PMPCA: variants seen among roughly 807,000 people sequenced by gnomAD.
PMPCA encodes mitochondrial-processing peptidase subunit alpha.
A neutral mutation model predicts 59.3 loss-of-function variants in PMPCA; 47 were observed. The observed-to-expected ratio is 0.79, with a 90% confidence interval of 0.63 to 1.01. PMPCA has a LOEUF of 1.01. PMPCA is among the 50% of genes least tolerant of loss of function. The pLI is 0.00. For synonymous variants in PMPCA, 338 were observed against 290.3 expected (o/e 1.16, Z -1.67); for missense variants, 726 against 704.5 (o/e 1.03, Z -0.34).
At chr9:136,419,460 CCTT>C (rs1835385182) in intron 11 of PMPCA, 2 of 417,026 alleles carry the variant, frequency 4.8e-6, no homozygotes, top group Admixed American at 3.7e-5. Flanking sequence ...GTTTTTGTGT[CCTT>C]CTCAGCCGCC....
At chr9:136,416,924 C>G (rs756043142) in intron 6 of PMPCA, 27 bp from the exon 7 acceptor site, 25 of 1,586,906 alleles carry the variant, frequency 1.6e-5, no homozygotes, top group Non-Finnish European at 1.7e-5. Context: ...TCTTCAGTCA[C>G]CTGTGTCTGT....
At chr9:136,422,418 C>G in intron 12 of PMPCA, 1 of 1,087,146 alleles carries the variant, frequency 9.2e-7, no homozygotes, top group Non-Finnish European at 1.1e-6. Context: ...CTTAGGAGGT[C>G]TGAATTTCCT....
At chr9:136,414,783 T>A in intron 5 of PMPCA, 136 bp downstream of exon 5, 1 of 627,388 alleles carries the variant, frequency 1.6e-6, no homozygotes, top group South Asian at 1.7e-5. Context: ...GACAGCGAGA[T>A]CTCATAAGAA....
intron 8 of PMPCA, among the ~76,000 whole-genome samples, 160 bp from the exon 9 acceptor site, chr9:136,418,395 A>C: frequency 1.1e-5 from 1 of 91,452 alleles, no homozygotes; most frequent in South Asian, 4.1e-4. Context: ...CTGACGCGGC[A>C]TGGGTGGCTC....
rs1835278502 is a variant in PMPCA, at chr9:136,416,475, G to A, written c.633+84G>A. ...GGGGTGGTGGGGAGGGTGCCTCCGT[G>A]ATGTTGTCCTTGCAGGTTATGGATA... On this transcript the variant is annotated intron_variant, in intron 6 of 12. Transcript: ENST00000371717. The A allele has an allele frequency of 9.5e-6, 9 of 951,826 alleles. No homozygotes were observed. In the East Asian group the frequency reaches 2.2e-4, roughly 23 times the overall value. The allele number at this position is 951,826 out of a possible 1,614,324, so 59.0% of individuals were successfully genotyped here.
chr9:136,419,384 G>C, intron 11 of PMPCA: 1 of 548,836 alleles, frequency 1.8e-6, no homozygotes, highest in Non-Finnish European at 3.3e-6. Context: ...CTTTCTCTGA[G>C]CCACTGGGTG....
intron 6 of PMPCA, chr9:136,416,627 G>A (rs773629084): frequency 1.4e-4 from 86 of 614,070 alleles, no homozygotes; most frequent in Non-Finnish European, 2.2e-4. Context: ...GATTACAGGC[G>A]TGAGTCACCG....
intron 4 of PMPCA, 75 bp downstream of exon 4, chr9:136,412,967 C>A: frequency 2.3e-6 from 2 of 873,734 alleles, no homozygotes; most frequent in Non-Finnish European, 3.9e-6. Context: ...CAGATTCCCT[C>A]TGAGCCCCTC....
At position 136,415,970 on chromosome 9, in the gene PMPCA, G is replaced by A. The variant is rs1835261617; in HGVS notation, c.533-321G>A. On this transcript the variant is annotated intron_variant, in intron 5 of 12. Coordinates refer to ENST00000371717, the MANE Select transcript of PMPCA (RefSeq NM_015160.3). ...TCTAAGCACCTTCATGTCTGGTCTCGTGTCCTCACAGCAGCACTTGGGACA... is the reference window on the plus strand; with the variant it reads ...TCTAAGCACCTTCATGTCTGGTCTCATGTCCTCACAGCAGCACTTGGGACA... 4 of 391,304 alleles carry A rather than the reference G, an allele frequency of 1.0e-5. 1 individual carries two copies. In the South Asian group the frequency reaches 1.2e-4, roughly 12 times the overall value. 24.2% of individuals were successfully genotyped at this position (391,304 alleles called of 1,614,324 possible). A position where few individuals can be genotyped will look rare whatever the true frequency, so the allele number is the denominator to read the frequency against.
At chr9:136,422,945 A>C in intron 12 of PMPCA, 150 bp from the exon 13 acceptor site, 3 of 1,444,226 alleles carry the variant, frequency 2.1e-6, no homozygotes, top group South Asian at 2.8e-5. Context: ...GGCTACACCC[A>C]GTGGCTGCCT....
chr9:136,415,969 C>T lies in PMPCA; in HGVS notation c.533-322C>T, dbSNP rs956848077. The T allele has an allele frequency of 1.0e-5, 4 of 395,808 alleles. No individual in the cohort carries two copies. In the East Asian group the frequency reaches 1.4e-4, roughly 14 times the overall value. 24.5% of individuals were successfully genotyped at this position (395,808 alleles called of 1,614,324 possible). ...TTCTAAGCACCTTCATGTCTGGTCT[C>T]GTGTCCTCACAGCAGCACTTGGGAC... On this transcript the variant is annotated intron_variant, in intron 5 of 12. Transcript: ENST00000371717.
At chr9:136,420,934 A>G (rs78785346) in intron 11 of PMPCA, 3 of 144,574 alleles carry the variant, frequency 2.1e-5, no homozygotes, top group African/African-American at 7.6e-5. Flanking sequence ...TCTATTTAAG[A>G]AAAAAAAAAA....
At position 136,417,225 on chromosome 9, in the gene PMPCA, G is replaced by C; in HGVS notation, c.897+11G>C. The C allele has an allele frequency of 6.4e-7, 1 of 1,558,724 alleles. No individual in the cohort carries two copies. The highest frequency in any genetic ancestry group is 8.7e-7 in the Non-Finnish European group (1 of 1,147,700). On this transcript the variant is annotated intron_variant, in intron 7 of 12. Coordinates refer to ENST00000371717, the MANE Select transcript of PMPCA (RefSeq NM_015160.3). ...GGGGGGATTGCCAAGGTGAAGTAGC[G>C]GGAACGTCTCATGGCCTCGGGTGGG...
chr9:136,418,753 G>A (rs1835357391), intron 9 of PMPCA, 75 bp from the exon 10 acceptor site: 2 of 1,499,708 alleles, frequency 1.3e-6, no homozygotes, highest in Admixed American at 3.3e-5. Flanking sequence ...CACCTTCCAG[G>A]TGACTTTTCT....
chr9:136,418,462 G>T (rs953658920), intron 8 of PMPCA, 93 bp from the exon 9 acceptor site: 3 of 839,102 alleles, frequency 3.6e-6, no homozygotes, highest in Non-Finnish European at 6.0e-6. Flanking sequence ...TGGCTTGGGC[G>T]ACTCAGCCAG....
intron 11 of PMPCA, among the ~76,000 whole-genome samples, chr9:136,421,180 T>C (rs1588822473): frequency 6.6e-6 from 1 of 152,266 alleles, no homozygotes; most frequent in African/African-American, 2.4e-5. Flanking sequence ...TTCATTTGTT[T>C]TCCCCGATTT....
rs1393025612 is a variant in PMPCA, at chr9:136,416,780, TTTTACTC to T, written c.634-166_634-160del. 1.1e-5 allele frequency: 7 copies of T among 615,286 alleles called. No homozygotes were observed. The Admixed American group carries it at 1.5e-4, about 13-fold the overall frequency. 38.1% of individuals were successfully genotyped at this position (615,286 alleles called of 1,614,324 possible). On this transcript the variant is annotated intron_variant, in intron 6 of 12. Coordinates refer to ENST00000371717, the MANE Select transcript of PMPCA (RefSeq NM_015160.3). ...TGAATTTGTATTCTGGAGAGGCAGA[TTTTACTC>T]TTTATAAATACGCACGCAGCTGCTA...
chr9:136,411,122 G>T, intron 1 of PMPCA: 1 of 212,834 alleles, frequency 4.7e-6, no homozygotes, highest in Non-Finnish European at 9.3e-6. Flanking sequence ...GCTCTCGGTT[G>T]CTGCGGTCTG....
At chr9:136,422,200 G>T (rs1487553984) in intron 12 of PMPCA, 2 of 1,497,768 alleles carry the variant, frequency 1.3e-6, no homozygotes, top group Non-Finnish European at 1.8e-6. Context: ...TGCCTCCTTG[G>T]CAGGTGACCC....
Sources: allele counts gnomAD v4.1 joint callset (sites outside exome capture counted in the v4.1 genomes callset), GRCh38; gene constraint gnomAD v4.1.1; transcripts MANE v1.5; gene names NCBI Gene and HGNC (gene_info 2026-07-23, HGNC 2026-07-21).